Variants in RAPGEF5 observed in about 807,000 individuals in gnomAD.
The protein encoded by RAPGEF5 is M-Ras-regulated GEF.
RAPGEF5 carries 65 observed loss-of-function variants against 125.2 expected under a neutral mutation model. The observed-to-expected ratio is 0.52, with a 90% CI of 0.43 to 0.64. The LOEUF (loss-of-function observed/expected upper bound fraction) is 0.64, where lower values mean the gene tolerates loss of function less well. RAPGEF5 is among the 30% of genes least tolerant of loss of function. RAPGEF5 has a pLI of 0.00. For synonymous variants in RAPGEF5, 391 were observed against 385.9 expected, an observed-to-expected ratio of 1.01 and a Z score of -0.16; for missense variants, 958 against 1,048.1, an observed-to-expected ratio of 0.91 and a Z score of 1.19.
intron 7 of RAPGEF5, among the ~76,000 whole-genome samples, chr7:22,265,982 T>A (rs780127471): frequency 1.3e-4 from 20 of 152,180 alleles, no homozygotes; most frequent in Non-Finnish European, 4.4e-5. Context: ...CCAGTCTCTA[T>A]GTCCTCAACA....
chr7:22,243,718 T>A (rs768048036), intron 7 of RAPGEF5, among the ~76,000 whole-genome samples: 6 of 152,258 alleles, frequency 3.9e-5, no homozygotes, highest in Non-Finnish European at 4.4e-5. Flanking sequence ...GTATACATTG[T>A]CAAGTGATCA....
At chr7:22,164,286 G>A (rs867542026) in intron 12 of RAPGEF5, among the ~76,000 whole-genome samples, 3 of 152,112 alleles carry the variant, frequency 2.0e-5, no homozygotes, top group Admixed American at 6.6e-5. Flanking sequence ...AGCCATGATC[G>A]AGCCACTCTA....
intron 1 of RAPGEF5, among the ~76,000 whole-genome samples, chr7:22,343,299 A>G (rs1583592856): frequency 6.6e-6 from 1 of 152,158 alleles, no homozygotes; most frequent in East Asian, 1.9e-4. Context: ...TTCCTCCTAC[A>G]ACACATGGTA....
chr7:22,314,631 A>G (rs1391980755), intron 3 of RAPGEF5: 10 of 982,294 alleles, frequency 1.0e-5, no homozygotes, highest in Non-Finnish European at 1.2e-5. Flanking sequence ...ATTGCACGTC[A>G]TTTCTTTGAA....
At chr7:22,198,720 A>G (rs1460215362) in intron 9 of RAPGEF5, among the ~76,000 whole-genome samples, 2 of 152,204 alleles carry the variant, frequency 1.3e-5, no homozygotes, top group Non-Finnish European at 2.9e-5. Flanking sequence ...ACCTATGACA[A>G]CTAACACTTA....
chr7:22,187,301 A>C (rs987366650), intron 11 of RAPGEF5, among the ~76,000 whole-genome samples: 1 of 152,190 alleles, frequency 6.6e-6, no homozygotes, highest in Admixed American at 6.5e-5. Flanking sequence ...TAGTGATGAA[A>C]GATACTTTAG....
At chr7:22,175,071 G>A (rs997033735) in intron 11 of RAPGEF5, among the ~76,000 whole-genome samples, 4 of 152,122 alleles carry the variant, frequency 2.6e-5, no homozygotes, top group African/African-American at 9.7e-5. Context: ...GGAAAGAGAA[G>A]GAGGAGAGAA....
intron 8 of RAPGEF5, among the ~76,000 whole-genome samples, chr7:22,221,839 A>T (rs1785797974): frequency 6.6e-6 from 1 of 152,178 alleles, no homozygotes; most frequent in Non-Finnish European, 1.5e-5. Context: ...AGACTAATAC[A>T]ATATCCCTAG....
chr7:22,260,089 C>CAAA (rs61052242), intron 7 of RAPGEF5, among the ~76,000 whole-genome samples: 117 of 121,382 alleles, frequency 9.6e-4, no homozygotes, highest in Middle Eastern at 8.8e-3. Flanking sequence ...AACTCCGTCT[C>CAAA]AAAAAAAAAA....
chr7:22,305,819 C>T (rs2128151737), intron 5 of RAPGEF5, among the ~76,000 whole-genome samples: 1 of 152,266 alleles, frequency 6.6e-6, no homozygotes, highest in African/African-American at 2.4e-5. Flanking sequence ...TCTTTCTGTG[C>T]CTGGCGTATG....
In RAPGEF5 at chr7:22,273,332, C is replaced by A. The variant is rs556760086; in HGVS notation, c.748-6320G>T. 2.0e-5 allele frequency among the ~76,000 whole-genome samples: 3 copies of A among 151,706 alleles called. No homozygotes were observed. The South Asian group carries it at 6.3e-4, about 32-fold the overall frequency. On this transcript the variant is annotated intron_variant, in intron 6 of 25. Transcript: ENST00000665637. ...CTCCCGGGTTCACGCCATTCTCCCG[C>A]CTCAGCCTCCTGAGTAGCTGGGACT... is the stretch of plus-strand genomic sequence containing the variant.
intron 8 of RAPGEF5, among the ~76,000 whole-genome samples, chr7:22,229,747 T>C (rs1304876282): frequency 6.6e-6 from 1 of 152,196 alleles, no homozygotes; most frequent in African/African-American, 2.4e-5. Context: ...CAAGCTTTCT[T>C]AGACACACCA....
chr7:22,307,826 C>T (rs1783377674), intron 5 of RAPGEF5, among the ~76,000 whole-genome samples: 1 of 152,122 alleles, frequency 6.6e-6, no homozygotes, highest in African/African-American at 2.4e-5. Flanking sequence ...TCAGAATCAC[C>T]ACATCATGAC....
intron 8 of RAPGEF5, among the ~76,000 whole-genome samples, chr7:22,221,746 C>G (rs889005335): frequency 6.6e-6 from 1 of 152,182 alleles, no homozygotes; most frequent in Admixed American, 6.5e-5. Flanking sequence ...CCTCTCCAGC[C>G]ATGCTGAACT....
chr7:22,166,151 T>C (rs2128114410), intron 12 of RAPGEF5, among the ~76,000 whole-genome samples: 1 of 150,328 alleles, frequency 6.7e-6, no homozygotes, highest in East Asian at 1.9e-4. Context: ...GCTCTTGAAC[T>C]CCTGGACCCA....
chr7:22,317,391 C>A (rs1783624751), intron 2 of RAPGEF5, among the ~76,000 whole-genome samples: 1 of 152,002 alleles, frequency 6.6e-6, no homozygotes, highest in African/African-American at 2.4e-5. Context: ...CAGGTGCCCA[C>A]CACCACGCCC....
chr7:22,341,443 T>G (rs1784128112), intron 1 of RAPGEF5, among the ~76,000 whole-genome samples: 1 of 152,164 alleles, frequency 6.6e-6, no homozygotes, highest in African/African-American at 2.4e-5. Flanking sequence ...GTCCTCACAT[T>G]TCAAAACCAA....
At chr7:22,295,352 A>G (rs1246937748) in intron 5 of RAPGEF5, among the ~76,000 whole-genome samples, 1 of 152,244 alleles carries the variant, frequency 6.6e-6, no homozygotes, top group East Asian at 1.9e-4. Context: ...GTATAGTTAT[A>G]TATTAATCTA....
intron 6 of RAPGEF5, among the ~76,000 whole-genome samples, chr7:22,289,438 A>C (rs752508189): frequency 3.9e-5 from 6 of 152,224 alleles, no homozygotes; most frequent in Admixed American, 6.5e-5. Flanking sequence ...AAATAGACAT[A>C]ATACCACCTA....
Sources: gnomAD v4.1 joint callset for allele counts (sites outside exome capture counted in the v4.1 genomes callset) on GRCh38, gnomAD v4.1.1 for gene constraint, MANE v1.5 for transcripts, NCBI Gene and HGNC (gene_info 2026-07-23, HGNC 2026-07-21) for gene names.